Variants in TRMT11 observed in about 807,000 individuals in gnomAD.
TRMT11 encodes the protein tRNA (guanine(10)-N(2))-methyltransferase TRMT11.
Under a neutral mutation model 62.8 loss-of-function variants are expected in TRMT11, and 53 were observed. The ratio of observed to expected loss-of-function variants is 0.84; its 90% CI spans 0.68 to 1.06. The LOEUF (loss-of-function observed/expected upper bound fraction) is 1.06. TRMT11 is among the 50% of genes least tolerant of loss of function. The probability of loss-of-function intolerance (pLI) is 0.00; values close to 1 mark genes in which losing one functional copy is unlikely to be tolerated. For missense variants in TRMT11, 556 were observed against 553.4 expected, an observed-to-expected ratio of 1.00 and a Z score of -0.05; for synonymous variants, 188 against 190.3, an observed-to-expected ratio of 0.99 and a Z score of 0.10.
intron 17 of TRMT11, among the ~76,000 whole-genome samples, chr6:126,071,592 G>A (rs1776857485): frequency 6.6e-6 from 1 of 151,914 alleles, no homozygotes; most frequent in African/African-American, 2.4e-5. Context: ...ATTCAGTGCA[G>A]GCCTGGTTCT....
intron 12 of TRMT11, among the ~76,000 whole-genome samples, chr6:126,034,916 G>T (rs533685239): frequency 6.6e-6 from 1 of 152,132 alleles, no homozygotes; most frequent in Non-Finnish European, 1.5e-5. Context: ...GTTGAGACGC[G>T]CAGGGAATGT....
At chr6:126,087,458 A>G (rs1332453268) in intron 17 of TRMT11, among the ~76,000 whole-genome samples, 1 of 152,236 alleles carries the variant, frequency 6.6e-6, no homozygotes, top group Non-Finnish European at 1.5e-5. Flanking sequence ...CCAAGAAAAT[A>G]AAATGTCAAG....
At position 126,025,002 on chromosome 6, in the gene TRMT11, G is replaced by A. The variant is rs577044412; in HGVS notation, c.1260+3722G>A. Among the ~76,000 whole-genome samples the A allele has an allele frequency of 4.6e-5, 7 of 152,176 alleles. No individual in the cohort carries two copies. In the East Asian group the frequency reaches 1.3e-3, roughly 29 times the overall value. On this transcript the variant is annotated intron_variant, in intron 12 of 12. Coordinates refer to ENST00000334379, the MANE Select transcript of TRMT11 (RefSeq NM_001031712.3). ...TGTAGATTTTGCAGTTTTAAGTCGT[G>A]ATATTAGAAAGTAAAGTAAATGGCA...
intron 1 of TRMT11, among the ~76,000 whole-genome samples, chr6:126,193,939 G>A (rs912010067): frequency 8.5e-5 from 13 of 152,092 alleles, no homozygotes; most frequent in Non-Finnish European, 1.5e-4. Flanking sequence ...CCCATTAGAT[G>A]TTCAGGAACA....
chr6:126,046,389 G>A (rs1157306703), intron 16 of TRMT11, among the ~76,000 whole-genome samples: 3 of 152,068 alleles, frequency 2.0e-5, no homozygotes, highest in Non-Finnish European at 4.4e-5. Flanking sequence ...CAAAATCATT[G>A]GAATTTCATT....
At chr6:126,219,256 G>T in the TRMT11 span, among the ~76,000 whole-genome samples, 1 of 152,164 alleles carries the variant, frequency 6.6e-6, no homozygotes, top group Admixed American at 6.5e-5. Flanking sequence ...CCAGAAGGAA[G>T]ATCAGTGGAG....
downstream of TRMT11, among the ~76,000 whole-genome samples, chr6:126,040,427 T>C (rs944722009): frequency 6.6e-6 from 1 of 152,136 alleles, no homozygotes; most frequent in Non-Finnish European, 1.5e-5. Flanking sequence ...TTGGTACTTA[T>C]AAATAAAAAA....
chr6:126,163,033 A>G (rs1778214072), intron 21 of TRMT11, among the ~76,000 whole-genome samples: 1 of 152,110 alleles, frequency 6.6e-6, no homozygotes, highest in African/African-American at 2.4e-5. Context: ...CTCTCTTCCT[A>G]TTTGAATACC....
In TRMT11 at chr6:126,151,901, TTTTCTCTTTC is replaced by T. The variant is rs1460705029; in HGVS notation, c.*1824-22918_*1824-22909del. Among the ~76,000 whole-genome samples the T allele has an allele frequency of 5.8e-4, 36 of 61,620 alleles. 4 individuals carry two copies. The highest frequency in any genetic ancestry group is 2.1e-3 in the African/African-American group (26 of 12,292). The allele number at this position is 61,620 out of a possible 152,430, so 40.4% of individuals were successfully genotyped here. Reference sequence around the variant, plus strand: ...CCTTCCTTCCTTGTCTTTTTCTTTCTTTTCTCTTTCTTTCTTTCTTTCTTTCTTTCTTTCT... The same window carrying T: ...CCTTCCTTCCTTGTCTTTTTCTTTCTTTTCTTTCTTTCTTTCTTTCTTTCT... On this transcript the variant is annotated intron_variant and NMD_transcript_variant, in intron 21 of 22. Coordinates refer to the TRMT11 transcript ENST00000648977.
At chr6:126,252,527 A>G in the TRMT11 span, among the ~76,000 whole-genome samples, 2 of 152,220 alleles carry the variant, frequency 1.3e-5, no homozygotes, top group Non-Finnish European at 2.9e-5. Context: ...AGTGTTTATC[A>G]TAACTTAAGA....
intron 16 of TRMT11, among the ~76,000 whole-genome samples, chr6:126,049,724 T>A (rs1319033429): frequency 6.6e-6 from 1 of 152,248 alleles, no homozygotes; most frequent in Non-Finnish European, 1.5e-5. Flanking sequence ...TTTGGAAGGA[T>A]GAGAATTTTC....
intron 17 of TRMT11, among the ~76,000 whole-genome samples, chr6:126,054,037 T>G (rs566506869): frequency 6.6e-6 from 1 of 152,204 alleles, no homozygotes; most frequent in African/African-American, 2.4e-5. Context: ...GGACAGGTCA[T>G]GAGAGCCAGA....
In TRMT11 at chr6:126,095,626, T is replaced by C. The variant is rs913747656; in HGVS notation, c.*1438-17240T>C. Among the ~76,000 whole-genome samples, 5 of 152,188 alleles carry C rather than the reference T, an allele frequency of 3.3e-5. No homozygotes were observed. In the East Asian group the frequency reaches 9.6e-4, roughly 29 times the overall value. ...ATACATTCAAATATGAGAAATGTGG[T>C]CCTCGTCCTTGTGGGGTTTGTGGTC... On this transcript the variant is annotated intron_variant and NMD_transcript_variant, in intron 17 of 22. Coordinates refer to the TRMT11 transcript ENST00000648977.
intron 11 of TRMT11, among the ~76,000 whole-genome samples, chr6:126,019,987 A>G (rs1039753995): frequency 3.3e-5 from 5 of 152,190 alleles, no homozygotes; most frequent in Admixed American, 2.0e-4. Flanking sequence ...TTCCACTGAT[A>G]ATAAAGTGAA....
At chr6:126,231,508 C>G in the TRMT11 span, among the ~76,000 whole-genome samples, 1 of 152,142 alleles carries the variant, frequency 6.6e-6, no homozygotes. Context: ...AGCTTCCGGT[C>G]AACAGTAAGC....
chr6:126,093,759 G>A (rs146667696), intron 17 of TRMT11, among the ~76,000 whole-genome samples: 107 of 151,016 alleles, frequency 7.1e-4, no homozygotes, highest in African/African-American at 2.2e-3. Context: ...CAGTTAATCA[G>A]GCACTTAAGT....
chr6:126,174,867 AGAGT>A (rs1403307204), upstream of TRMT11, among the ~76,000 whole-genome samples: 1 of 152,234 alleles, frequency 6.6e-6, no homozygotes, highest in Non-Finnish European at 1.5e-5. Flanking sequence ...GAGAAGCAGA[AGAGT>A]GAGTCGCAAA....
chr6:125,998,377 T>A, intron 5 of TRMT11, 62 bp downstream of exon 5: 1 of 1,297,284 alleles, frequency 7.7e-7, no homozygotes. Context: ...ATTGTTGATA[T>A]ATAGGAATAC....
intron 21 of TRMT11, among the ~76,000 whole-genome samples, chr6:126,143,658 G>A (rs1777943734): frequency 6.6e-6 from 1 of 152,042 alleles, no homozygotes; most frequent in Non-Finnish European, 1.5e-5. Flanking sequence ...TGAAAGGAAG[G>A]GTTTGGTTTT....
Sources: gnomAD v4.1 joint callset for allele counts (sites outside exome capture counted in the v4.1 genomes callset) on GRCh38, gnomAD v4.1.1 for gene constraint, MANE v1.5 for transcripts, NCBI Gene and HGNC (gene_info 2026-07-23, HGNC 2026-07-21) for gene names.